The following PPA2 variants were observed in gnomAD, a reference collection of about 807,000 sequenced individuals.
PPA2 encodes inorganic pyrophosphatase 2, mitochondrial.
PPA2 carries 48 observed loss-of-function variants against 49.5 expected under a neutral mutation model. That is an observed-to-expected ratio of 0.97 (90% confidence interval 0.77 to 1.23). The LOEUF is 1.23. PPA2 is among the 50% of genes most tolerant of loss of function. PPA2 has a pLI of 0.00. For synonymous variants in PPA2, 131 were observed against 139.9 expected (o/e 0.94, Z 0.45); for missense variants, 429 against 410.1 (o/e 1.05, Z -0.40).
At chr4:105,374,660 A>G (rs563614339) in intron 10 of PPA2, among the ~76,000 whole-genome samples, 124 of 152,294 alleles carry the variant, frequency 8.1e-4, no homozygotes, top group Middle Eastern at 3.4e-3. Context: ...CATTTGTCCA[A>G]ATGAACAAAC....
In PPA2 at chr4:105,465,568, T is replaced by C. The variant is rs148157698; in HGVS notation, c.157+8326A>G. On this transcript the variant is annotated intron_variant, in intron 1 of 11. Transcript: ENST00000341695. ...CCTAATAAGTGTTCTGTAAGAAGGA[T>C]TGCATGTGAGGCCAATTTCTCAAGT... Among the ~76,000 whole-genome samples the C allele has an allele frequency of 5.3e-3, 804 of 152,272 alleles. 12 individuals are homozygous for C. The highest frequency in any genetic ancestry group is 0.018 in the African/African-American group (749 of 41,534).
At chr4:105,444,222 C>T (rs1724505941) in intron 5 of PPA2, among the ~76,000 whole-genome samples, 1 of 152,118 alleles carries the variant, frequency 6.6e-6, no homozygotes, top group African/African-American at 2.4e-5. Flanking sequence ...AAGTTAGAAA[C>T]ACTGAAGAAG....
At chr4:105,373,369 C>T (rs910780630) in intron 10 of PPA2, among the ~76,000 whole-genome samples, 9 of 152,040 alleles carry the variant, frequency 5.9e-5, no homozygotes, top group Non-Finnish European at 1.2e-4. Context: ...AACGGGTTAA[C>T]CTGCTTATTC....
At chr4:105,435,596 A>C (rs887740926) in intron 6 of PPA2, among the ~76,000 whole-genome samples, 1 of 152,220 alleles carries the variant, frequency 6.6e-6, no homozygotes, top group East Asian at 1.9e-4. Flanking sequence ...CACATTAAAA[A>C]GATAATTCAT....
rs1179913787 is a variant in PPA2 at position 105,405,869 on chromosome 4, C to T, written c.656-6705G>A. The T allele has an allele frequency of 6.6e-6, 3 of 456,060 alleles. No homozygotes were observed. The East Asian group carries it at 2.1e-4, about 32-fold the overall frequency. 28.3% of individuals were successfully genotyped at this position (456,060 alleles called of 1,614,324 possible). A position where few individuals can be genotyped will look rare whatever the true frequency, so the allele number is the denominator to read the frequency against. On this transcript the variant is annotated intron_variant, in intron 7 of 11. Transcript: ENST00000341695. Reference sequence around the variant, plus strand: ...AATCCTGATGTGCAGGCAGGTAGGACAGGCTGGAAGTTTGGCTCCTGTCAA... The same window carrying T: ...AATCCTGATGTGCAGGCAGGTAGGATAGGCTGGAAGTTTGGCTCCTGTCAA...
intron 5 of PPA2, among the ~76,000 whole-genome samples, chr4:105,440,399 C>T (rs1385473991): frequency 6.6e-6 from 1 of 151,936 alleles, no homozygotes; most frequent in African/African-American, 2.4e-5. Flanking sequence ...GTGGCTGGAA[C>T]TACAGGCGCC....
At chr4:105,446,630 T>C (rs1578870058) in intron 4 of PPA2, 128 bp from the exon 5 acceptor site, 2 of 1,178,930 alleles carry the variant, frequency 1.7e-6, no homozygotes, top group African/African-American at 3.2e-5. Flanking sequence ...TGATCAAAGA[T>C]GCTTTAAAAG....
chr4:105,413,875 C>T (rs1447167814), intron 7 of PPA2, among the ~76,000 whole-genome samples: 1 of 152,154 alleles, frequency 6.6e-6, no homozygotes, highest in Non-Finnish European at 1.5e-5. Flanking sequence ...TTAAAAAAGA[C>T]TGATAAAATG....
At chr4:105,405,490 A>G (rs550583271) in intron 7 of PPA2, 16 of 911,706 alleles carry the variant, frequency 1.8e-5, no homozygotes, top group East Asian at 1.2e-4. Flanking sequence ...TCTTTTAAAC[A>G]TTTGGAATGG....
intron 5 of PPA2, among the ~76,000 whole-genome samples, chr4:105,445,207 T>G (rs1360284871): frequency 6.6e-6 from 1 of 152,244 alleles, no homozygotes; most frequent in East Asian, 1.9e-4. Context: ...TCTCTGTTTT[T>G]GTCTGTCTCT....
intron 2 of PPA2, 131 bp downstream of exon 2, chr4:105,456,550 C>A: frequency 1.5e-6 from 1 of 675,016 alleles, no homozygotes; most frequent in East Asian, 2.7e-5. Flanking sequence ...GCTTATGACC[C>A]TGTTATAGTA....
intron 2 of PPA2, among the ~76,000 whole-genome samples, chr4:105,455,128 C>A (rs187840943): frequency 4.0e-4 from 61 of 152,294 alleles, no homozygotes; most frequent in African/African-American, 1.4e-3. Flanking sequence ...CACTACTACA[C>A]CCACAGTGCC....
intron 3 of PPA2, among the ~76,000 whole-genome samples, chr4:105,452,038 T>C (rs1439897584): frequency 6.6e-6 from 1 of 152,222 alleles, no homozygotes; most frequent in Non-Finnish European, 1.5e-5. Flanking sequence ...ACTCCTTCAG[T>C]CCTTTTCTTT....
chr4:105,443,609 A>T (rs1724468487), intron 5 of PPA2, among the ~76,000 whole-genome samples: 2 of 143,750 alleles, frequency 1.4e-5, no homozygotes, highest in African/African-American at 2.5e-5. Flanking sequence ...ACACACACAC[A>T]CACACACACA....
intron 6 of PPA2, among the ~76,000 whole-genome samples, chr4:105,433,087 G>A (rs1197307178): frequency 6.6e-6 from 1 of 152,122 alleles, no homozygotes; most frequent in Admixed American, 6.5e-5. Flanking sequence ...TAAGGTTTGG[G>A]TTCCTAAAGG....
At chr4:105,373,527 G>A (rs1255224085) in intron 10 of PPA2, among the ~76,000 whole-genome samples, 1 of 151,970 alleles carries the variant, frequency 6.6e-6, no homozygotes, top group Non-Finnish European at 1.5e-5. Context: ...TCTTGTTGGA[G>A]TGCCAAACAT....
intron 7 of PPA2, chr4:105,405,054 G>T: frequency 3.2e-6 from 1 of 316,970 alleles, no homozygotes; most frequent in Non-Finnish European, 4.6e-6. Context: ...CTGCACTCCA[G>T]CCTGGGCGAC....
intron 6 of PPA2, among the ~76,000 whole-genome samples, chr4:105,433,270 G>A (rs1723896656): frequency 6.6e-6 from 1 of 151,884 alleles, no homozygotes; most frequent in South Asian, 2.1e-4. Context: ...TCTATAAAAG[G>A]GCATGTAACC....
At chr4:105,382,610 A>T (rs1053057083) in intron 10 of PPA2, among the ~76,000 whole-genome samples, 6 of 152,190 alleles carry the variant, frequency 3.9e-5, no homozygotes, top group Non-Finnish European at 8.8e-5. Flanking sequence ...TAAAGATCCA[A>T]CTGTTAGTCA....
Sources: allele counts gnomAD v4.1 joint callset (sites outside exome capture counted in the v4.1 genomes callset), GRCh38; gene constraint gnomAD v4.1.1; transcripts MANE v1.5; gene names NCBI Gene and HGNC (gene_info 2026-07-23, HGNC 2026-07-21).